Variants in SORCS1 observed in about 807,000 individuals in gnomAD.
The protein encoded by SORCS1 is sortilin related VPS10 domain containing receptor 1.
A neutral mutation model predicts 146.1 loss-of-function variants in SORCS1; 60 were observed. The ratio of observed to expected loss-of-function variants is 0.41; its 90% CI spans 0.33 to 0.51. The LOEUF is 0.51. SORCS1 is among the 20% of genes least tolerant of loss of function. The probability of loss-of-function intolerance (pLI) is 0.21; values close to 1 mark genes in which losing one functional copy is unlikely to be tolerated. For synonymous variants in SORCS1, 637 were observed against 584.0 expected (o/e 1.09, Z -1.31); for missense variants, 1,352 against 1,487.6 (o/e 0.91, Z 1.50).
chr10:106,724,456 T>C (rs1310151466), intron 6 of SORCS1, among the ~76,000 whole-genome samples: 2 of 151,244 alleles, frequency 1.3e-5, no homozygotes, highest in Admixed American at 1.3e-4. Flanking sequence ...TAAACTGAGA[T>C]TGCACCATTG....
intron 2 of SORCS1, among the ~76,000 whole-genome samples, chr10:106,849,660 C>G (rs1389359802): frequency 6.6e-6 from 1 of 151,194 alleles, no homozygotes; most frequent in Non-Finnish European, 1.5e-5. Context: ...AGGATAGGCG[C>G]TCTGCGTTTT....
At chr10:106,837,515 T>C (rs569226040) in intron 2 of SORCS1, among the ~76,000 whole-genome samples, 1 of 151,404 alleles carries the variant, frequency 6.6e-6, no homozygotes, top group South Asian at 2.1e-4. Context: ...ACTTTCAGTT[T>C]TGTGTATTGG....
At chr10:106,665,689 AT>A (rs1851079939) in intron 17 of SORCS1, among the ~76,000 whole-genome samples, 1 of 152,016 alleles carries the variant, frequency 6.6e-6, no homozygotes, top group Admixed American at 6.6e-5. Flanking sequence ...AATAAGACTT[AT>A]TTTTTTCTTA....
At chr10:107,159,472 TC>T (rs34649275) in intron 1 of SORCS1, among the ~76,000 whole-genome samples, 16 of 152,278 alleles carry the variant, frequency 1.1e-4, no homozygotes, top group Admixed American at 9.2e-4. Flanking sequence ...AATTCTTAAT[TC>T]CCAGTAGAGA....
chr10:106,857,886 C>T (rs889502375), intron 2 of SORCS1, among the ~76,000 whole-genome samples: 4 of 152,174 alleles, frequency 2.6e-5, no homozygotes, highest in Admixed American at 2.0e-4. Flanking sequence ...CTACATCAAA[C>T]GATGACGTGG....
chr10:107,164,238 C>G lies in SORCS1; in HGVS notation c.289G>C (p.Ala97Pro), dbSNP rs774220457. 3.1e-6 allele frequency: 5 copies of G among 1,606,906 alleles called. No individual in the cohort carries two copies. Among genetic ancestry groups the G allele is most frequent in the Non-Finnish European group, 4.2e-6 (5 of 1,179,744 alleles). The change falls in exon 1 of 26, where the codon GCA becomes CCA. Residue 97 changes from alanine (A) to proline (P), a missense_variant. Transcript: ENST00000263054. The surrounding 1 kb of genome is among the most constrained non-coding windows in gnomAD (Gnocchi z 6.8). ...LSLERARGTG[A>P]SMAVAARSGR... ...GAGCGTGCAGCAACCGCCATGGATG[C>G]CCCAGTGCCCCGAGCCCGCTCCAGG...
intron 2 of SORCS1, among the ~76,000 whole-genome samples, chr10:106,899,133 A>G (rs987824001): frequency 6.6e-6 from 1 of 152,198 alleles, no homozygotes; most frequent in African/African-American, 2.4e-5. Flanking sequence ...ACACAGAACC[A>G]AGCCATATTT....
chr10:107,019,501 G>A (rs1200282207), intron 1 of SORCS1, among the ~76,000 whole-genome samples: 1 of 152,188 alleles, frequency 6.6e-6, no homozygotes, highest in African/African-American at 2.4e-5. Flanking sequence ...AGCTCAATCA[G>A]ATTGCAAAGT....
At chr10:107,116,061 A>G (rs1273785046) in intron 1 of SORCS1, among the ~76,000 whole-genome samples, 1 of 152,086 alleles carries the variant, frequency 6.6e-6, no homozygotes, top group Non-Finnish European at 1.5e-5. Flanking sequence ...TGAAACCACA[A>G]TGAGATACCA....
At chr10:106,902,266 C>CCTT (rs1951738709) in intron 2 of SORCS1, among the ~76,000 whole-genome samples, 1 of 152,010 alleles carries the variant, frequency 6.6e-6, no homozygotes, top group South Asian at 2.1e-4. Flanking sequence ...TAGTCCCTAA[C>CCTT]CTTTAGTCCA....
At chr10:106,955,479 T>A (rs1954892705) in intron 2 of SORCS1, among the ~76,000 whole-genome samples, 1 of 152,180 alleles carries the variant, frequency 6.6e-6, no homozygotes, top group Admixed American at 6.5e-5. Flanking sequence ...GCAAGCCCTG[T>A]GGGCACAAGC....
intron 2 of SORCS1, among the ~76,000 whole-genome samples, chr10:106,865,761 A>T (rs955449314): frequency 7.3e-5 from 11 of 151,384 alleles, no homozygotes; most frequent in Non-Finnish European, 1.5e-4. Context: ...AAAAATAAAA[A>T]TAAATAAATA....
chr10:106,722,906 T>G (rs1484520622), intron 6 of SORCS1, among the ~76,000 whole-genome samples: 2 of 152,206 alleles, frequency 1.3e-5, no homozygotes, highest in Non-Finnish European at 2.9e-5. Context: ...GCACCCAGTT[T>G]CAGGGAGGTA....
chr10:107,079,815 C>T (rs1177625161), intron 1 of SORCS1, among the ~76,000 whole-genome samples: 3 of 152,178 alleles, frequency 2.0e-5, no homozygotes, highest in Admixed American at 6.5e-5. Context: ...CAAGCTAACA[C>T]AGAAGCCAGG....
intron 2 of SORCS1, among the ~76,000 whole-genome samples, chr10:106,844,667 G>A (rs1347908109): frequency 1.4e-5 from 2 of 147,390 alleles, no homozygotes; most frequent in East Asian, 4.0e-4. Context: ...TGCCATGCTG[G>A]TGCGCTGCAC....
rs569818531 is a variant in SORCS1 at position 106,990,628 on chromosome 10, A to C, written c.559-34048T>G. Among the ~76,000 whole-genome samples, 5 of 152,304 alleles carry C rather than the reference A, an allele frequency of 3.3e-5. No individual in the cohort carries two copies. The South Asian group carries it at 1.0e-3, about 32-fold the overall frequency. ...TTTTGTCATGACGTGTGATAGTACA[A>C]ATCACAAGGGCAAATGGGGACCAAA... On this transcript the variant is annotated intron_variant, in intron 1 of 25. Coordinates refer to ENST00000263054, the MANE Select transcript of SORCS1 (RefSeq NM_052918.5).
chr10:106,879,073 C>G (rs1271934819), intron 2 of SORCS1, among the ~76,000 whole-genome samples: 6 of 151,338 alleles, frequency 4.0e-5, no homozygotes, highest in Non-Finnish European at 8.8e-5. Context: ...TGGCGTGAAC[C>G]CGGGAGGCAG....
intron 1 of SORCS1, among the ~76,000 whole-genome samples, chr10:107,109,547 T>G (rs1965538927): frequency 6.6e-6 from 1 of 152,230 alleles, no homozygotes; most frequent in African/African-American, 2.4e-5. Flanking sequence ...AGTGAGGCCC[T>G]GGGCCCTGCC....
In SORCS1 at chr10:107,142,557, A is replaced by C. The variant is rs1023062478; in HGVS notation, c.558+21412T>G. Among the ~76,000 whole-genome samples the C allele has an allele frequency of 6.6e-5, 10 of 152,256 alleles. No homozygotes were observed. In the East Asian group the frequency reaches 1.9e-3, roughly 29 times the overall value. ...ATTAAACATCACACTCAGAAGATTT[A>C]TCCACAGTCTAAATTTATATATTTT... On this transcript the variant is annotated intron_variant, in intron 1 of 25. Coordinates refer to ENST00000263054, the MANE Select transcript of SORCS1 (RefSeq NM_052918.5).
Sources: gnomAD v4.1 joint callset for allele counts (sites outside exome capture counted in the v4.1 genomes callset) on GRCh38, gnomAD v4.1.1 for gene constraint, Gnocchi (gnomAD v3.1) non-coding constraint, MANE v1.5 for transcripts, NCBI Gene and HGNC (gene_info 2026-07-23, HGNC 2026-07-21) for gene names.